Variants in NKAIN2 observed in about 807,000 individuals in gnomAD.
NKAIN2 encodes the protein sodium/potassium transporting ATPase interacting 2.
NKAIN2 carries 14 observed loss-of-function variants against 32.6 expected under a neutral mutation model. That is an observed-to-expected ratio of 0.43 (90% confidence interval 0.28 to 0.67). The LOEUF (loss-of-function observed/expected upper bound fraction) is 0.67. NKAIN2 is among the 30% of genes least tolerant of loss of function. The pLI, the probability that NKAIN2 is intolerant of heterozygous loss-of-function variation, is 0.17. For synonymous variants in NKAIN2, 80 were observed against 87.2 expected (o/e 0.92, Z 0.46); for missense variants, 198 against 258.3 (o/e 0.77, Z 1.60).
At chr6:123,958,754 G>A (rs566025675) in intron 1 of NKAIN2, among the ~76,000 whole-genome samples, 26 of 152,302 alleles carry the variant, frequency 1.7e-4, no homozygotes, top group Admixed American at 1.3e-3. Flanking sequence ...CTTGAAAGGC[G>A]GGGCCTAGGC....
chr6:124,647,984 G>C (rs1053838954), intron 3 of NKAIN2, among the ~76,000 whole-genome samples: 15 of 152,302 alleles, frequency 9.8e-5, no homozygotes, highest in Middle Eastern at 3.4e-3. Flanking sequence ...AGAATGGCAA[G>C]ATGGATTTTA....
intron 3 of NKAIN2, among the ~76,000 whole-genome samples, chr6:124,590,696 A>C (rs1781878729): frequency 6.6e-6 from 1 of 152,192 alleles, no homozygotes; most frequent in South Asian, 2.1e-4. Context: ...AGTCATGAAG[A>C]GAACACTGGC....
chr6:124,124,297 G>C (rs948342377), intron 1 of NKAIN2, among the ~76,000 whole-genome samples: 2 of 152,056 alleles, frequency 1.3e-5, no homozygotes, highest in Admixed American at 6.6e-5. Flanking sequence ...ATTTCCAGTA[G>C]CTACCTCAAT....
At chr6:124,515,843 G>GTTTTTTTTTTTTTT (rs1562232631) in intron 3 of NKAIN2, among the ~76,000 whole-genome samples, 3 of 151,458 alleles carry the variant, frequency 2.0e-5, no homozygotes, top group Admixed American at 6.6e-5. Context: ...GGCTGTTCTC[G>GTTTTTTTTTTTTTT]TTTTTAATCT....
intron 1 of NKAIN2, among the ~76,000 whole-genome samples, chr6:124,213,333 A>C (rs1035909961): frequency 3.9e-5 from 6 of 152,152 alleles, no homozygotes; most frequent in Non-Finnish European, 8.8e-5. Context: ...TAACTAAATA[A>C]ATGAGCTGTG....
intron 4 of NKAIN2, chr6:124,658,719 C>CA: frequency 2.1e-6 from 1 of 472,616 alleles, no homozygotes; most frequent in Non-Finnish European, 3.7e-6. Context: ...TAACGTTCTA[C>CA]AGTACTCAAA....
intron 1 of NKAIN2, among the ~76,000 whole-genome samples, chr6:123,845,113 C>G (rs6569367): frequency 0.72 from 109,014 of 152,178 alleles, 40,276 homozygotes; most frequent in African/African-American, 0.91. Context: ...TGTTGAAGTG[C>G]AATATTCTGA....
At chr6:124,078,309 A>C (rs1783793009) in intron 1 of NKAIN2, among the ~76,000 whole-genome samples, 1 of 149,990 alleles carries the variant, frequency 6.7e-6, no homozygotes, top group Non-Finnish European at 1.5e-5. Context: ...TAATCCCTCA[A>C]AGATTTACTG....
intron 1 of NKAIN2, among the ~76,000 whole-genome samples, chr6:124,092,786 T>C (rs1044505670): frequency 6.6e-6 from 1 of 152,022 alleles, no homozygotes; most frequent in African/African-American, 2.4e-5. Context: ...CTTACCAGAG[T>C]AAATTATCAA....
chr6:123,939,959 T>C (rs1317373195), intron 1 of NKAIN2, among the ~76,000 whole-genome samples: 1 of 152,030 alleles, frequency 6.6e-6, no homozygotes, highest in Non-Finnish European at 1.5e-5. Flanking sequence ...AACATAGGCA[T>C]GCTGAAACCC....
At chr6:123,944,217 C>T (rs896517031) in intron 1 of NKAIN2, among the ~76,000 whole-genome samples, 18 of 152,074 alleles carry the variant, frequency 1.2e-4, no homozygotes, top group African/African-American at 3.9e-4. Flanking sequence ...ATAGCCTTGT[C>T]ATCAGCCTTC....
chr6:124,562,894 T>G (rs569425917), intron 3 of NKAIN2, among the ~76,000 whole-genome samples: 1 of 151,408 alleles, frequency 6.6e-6, no homozygotes, highest in South Asian at 2.1e-4. Flanking sequence ...AATGTTAGTA[T>G]TTTTTGTTTC....
intron 1 of NKAIN2, among the ~76,000 whole-genome samples, chr6:124,237,373 G>GT (rs1423838560): frequency 1.9e-4 from 29 of 151,816 alleles, no homozygotes; most frequent in South Asian, 8.3e-4. Context: ...TTTTGTTTTT[G>GT]TTTTTTTTGA....
At chr6:124,219,283 C>CTT (rs5879720) in intron 1 of NKAIN2, among the ~76,000 whole-genome samples, 8 of 128,950 alleles carry the variant, frequency 6.2e-5, no homozygotes, top group African/African-American at 2.0e-4. Flanking sequence ...TTCTTTTTTT[C>CTT]TTTTTTTTTT....
At chr6:124,232,168 C>T (rs1263031354) in intron 1 of NKAIN2, among the ~76,000 whole-genome samples, 6 of 152,158 alleles carry the variant, frequency 3.9e-5, no homozygotes, top group East Asian at 1.9e-4. Flanking sequence ...ATTCTAATTT[C>T]CCAGCCTTTT....
At chr6:124,652,889 C>G (rs1784414769) in intron 3 of NKAIN2, among the ~76,000 whole-genome samples, 1 of 152,212 alleles carries the variant, frequency 6.6e-6, no homozygotes, top group Admixed American at 6.5e-5. Context: ...CTTCCCAACA[C>G]TATTGCTTTG....
intron 3 of NKAIN2, among the ~76,000 whole-genome samples, chr6:124,419,891 C>T (rs1774669575): frequency 6.6e-6 from 1 of 152,054 alleles, no homozygotes; most frequent in Non-Finnish European, 1.5e-5. Flanking sequence ...TGAAGCACTG[C>T]TGACAGTATG....
At chr6:123,870,103 G>T (rs535112614) in intron 1 of NKAIN2, among the ~76,000 whole-genome samples, 6 of 152,222 alleles carry the variant, frequency 3.9e-5, no homozygotes, top group African/African-American at 1.4e-4. Flanking sequence ...TACTCTGTGT[G>T]CCAGATGGTC....
At chr6:124,050,256 G>T (rs1782342138) in intron 1 of NKAIN2, among the ~76,000 whole-genome samples, 1 of 151,996 alleles carries the variant, frequency 6.6e-6, no homozygotes, top group Non-Finnish European at 1.5e-5. Flanking sequence ...TCATTATTAG[G>T]ATAGTGAGTC....
Sources: allele counts gnomAD v4.1 joint callset (sites outside exome capture counted in the v4.1 genomes callset), GRCh38; gene constraint gnomAD v4.1.1; transcripts MANE v1.5; gene names NCBI Gene and HGNC (gene_info 2026-07-23, HGNC 2026-07-21).